Variants in USP4 observed in about 807,000 individuals in gnomAD.
USP4 encodes ubiquitin specific peptidase 4.
A neutral mutation model predicts 118.2 loss-of-function variants in USP4; 72 were observed. The observed-to-expected ratio is 0.61, with a 90% CI of 0.50 to 0.74. The LOEUF (loss-of-function observed/expected upper bound fraction) is 0.74, where lower values mean the gene tolerates loss of function less well. Ranked by LOEUF, USP4 falls within the 30% of genes least tolerant of loss-of-function variation. The probability of loss-of-function intolerance (pLI) is 0.00; values close to 1 mark genes in which losing one functional copy is unlikely to be tolerated. For missense variants in USP4, 1,037 were observed against 1,185.7 expected, an observed-to-expected ratio of 0.87 and a Z score of 1.84; for synonymous variants, 415 against 440.4, an observed-to-expected ratio of 0.94 and a Z score of 0.72.
intron 10 of USP4, among the ~76,000 whole-genome samples, chr3:49,301,423 G>T (rs779326179): frequency 6.6e-6 from 1 of 152,104 alleles, no homozygotes; most frequent in Non-Finnish European, 1.5e-5. Flanking sequence ...CACGGTGGCT[G>T]ACGCCTGAAA....
rs147154296 is a variant in USP4 at position 49,332,764 on chromosome 3, T to G, written c.229+2705A>C. On this transcript the variant is annotated intron_variant, in intron 2 of 21. Coordinates refer to ENST00000265560, the MANE Select transcript of USP4 (RefSeq NM_003363.4). Reference sequence around the variant, plus strand: ...TGTTGTTTAGCCTGGGCACAGTGACTCACACCTGTAATCCCAGCACTCTGG... The same window carrying G: ...TGTTGTTTAGCCTGGGCACAGTGACGCACACCTGTAATCCCAGCACTCTGG... Among the ~76,000 whole-genome samples the G allele has an allele frequency of 4.6e-3, 697 of 151,694 alleles. 4 individuals are homozygous for G. Among genetic ancestry groups the G allele is most frequent in the Non-Finnish European group, 8.2e-3 (554 of 67,876 alleles).
chr3:49,293,141 G>T (rs1458364462), intron 14 of USP4, among the ~76,000 whole-genome samples: 1 of 152,006 alleles, frequency 6.6e-6, no homozygotes, highest in Non-Finnish European at 1.5e-5. Flanking sequence ...ACTTTGGGAG[G>T]CCGAGGTGGG....
chr3:49,333,506 T>C (rs2047640388), intron 2 of USP4, among the ~76,000 whole-genome samples: 1 of 152,158 alleles, frequency 6.6e-6, no homozygotes, highest in Non-Finnish European at 1.5e-5. Context: ...TGATTTGAAG[T>C]GAGAGACATG....
At chr3:49,294,323 C>G (rs2047180890) in intron 14 of USP4, 84 bp downstream of exon 14, 2 of 1,433,238 alleles carry the variant, frequency 1.4e-6, no homozygotes, top group Admixed American at 1.9e-5. Flanking sequence ...AGGATCAACA[C>G]AGCCACTTGG....
At chr3:49,322,594 G>C (rs1463575114) in intron 6 of USP4, among the ~76,000 whole-genome samples, 3 of 152,130 alleles carry the variant, frequency 2.0e-5, no homozygotes, top group African/African-American at 7.2e-5. Flanking sequence ...AGCTGTGGTG[G>C]CTCATGCCTG....
At chr3:49,299,834 G>A (rs571382754) in intron 11 of USP4, among the ~76,000 whole-genome samples, 2 of 152,300 alleles carry the variant, frequency 1.3e-5, no homozygotes, top group Admixed American at 6.5e-5. Context: ...GCTGTCCTAG[G>A]TTATGTGAGG....
chr3:49,317,939 G>A (rs1248548015), intron 6 of USP4, among the ~76,000 whole-genome samples: 2 of 151,868 alleles, frequency 1.3e-5, no homozygotes, highest in African/African-American at 2.4e-5. Flanking sequence ...GGGTTTAAGC[G>A]AGTCTCTTGC....
chr3:49,281,549 T>C (rs28850107), intron 19 of USP4, among the ~76,000 whole-genome samples: 3 of 147,502 alleles, frequency 2.0e-5, no homozygotes, highest in African/African-American at 2.5e-5. Context: ...CATTTATATA[T>C]ACACACACAC....
chr3:49,303,504 C>G (rs940459112), intron 9 of USP4, among the ~76,000 whole-genome samples: 1 of 149,658 alleles, frequency 6.7e-6, no homozygotes, highest in Non-Finnish European at 1.5e-5. Flanking sequence ...AATACCATAG[C>G]CACTAGCCAC....
At chr3:49,316,802 G>A in intron 6 of USP4, 1 of 512,196 alleles carries the variant, frequency 2.0e-6, no homozygotes, top group Non-Finnish European at 3.5e-6. Context: ...CTACAACCAG[G>A]ACCTCCCTGG....
At chr3:49,302,745 G>A (rs1299576776) in intron 9 of USP4, among the ~76,000 whole-genome samples, 1 of 152,190 alleles carries the variant, frequency 6.6e-6, no homozygotes, top group Non-Finnish European at 1.5e-5. Context: ...AGAGAGCCAG[G>A]AGGATGAACC....
In USP4 at chr3:49,278,042, C is replaced by G. The variant is rs944276047; in HGVS notation, c.*251G>C. The G allele has an allele frequency of 1.2e-5, 6 of 507,720 alleles. No individual in the cohort carries two copies. The highest frequency in any genetic ancestry group is 1.7e-5 in the Non-Finnish European group (5 of 293,684). The allele number at this position is 507,720 out of a possible 1,614,324, so 31.5% of individuals were successfully genotyped here. On this transcript the variant is annotated 3_prime_UTR_variant, in exon 22 of 22. Coordinates refer to ENST00000265560, the MANE Select transcript of USP4 (RefSeq NM_003363.4). ...TCCATTGAGTACCCCCATCCCACCCCCTTTTCAGCTTCACAGGTTTCACAG... is the reference window on the plus strand; with the variant it reads ...TCCATTGAGTACCCCCATCCCACCCGCTTTTCAGCTTCACAGGTTTCACAG...
chr3:49,338,113 G>A (rs150897204), intron 1 of USP4, among the ~76,000 whole-genome samples: 29 of 150,158 alleles, frequency 1.9e-4, no homozygotes, highest in African/African-American at 6.6e-4. Flanking sequence ...AATCTCTGTG[G>A]AGCAACAAAG....
chr3:49,294,462 G>A lies in USP4; in HGVS notation c.1828C>T (p.Pro610Ser), dbSNP rs866931457. 1 of 1,614,158 alleles carries A rather than the reference G, an allele frequency of 6.2e-7. No individual in the cohort carries two copies. The change falls in exon 14 of 22, where the codon CCC (proline) becomes TCC (serine). Residue 610 changes from proline (P) to serine (S), a missense_variant. Transcript: ENST00000265560. The stretch of plus-strand genomic sequence containing the variant: ...GACTCAAGGGTTAACTTGTGCTTGG[G>A]GACAGAAAGCAATAGTGGCTGCCCA... Reference protein sequence around the residue: ...LYGQPLLLSVPKHKLTLESLY... With the variant: ...LYGQPLLLSVSKHKLTLESLY...
intron 19 of USP4, 27 bp from the exon 20 acceptor site, chr3:49,280,874 T>C (rs368333696): frequency 3.6e-5 from 57 of 1,602,828 alleles, no homozygotes; most frequent in Non-Finnish European, 4.1e-5. Context: ...AAAATAGTTA[T>C]TGAATATGTT....
At chr3:49,283,921 C>A in intron 19 of USP4, 66 bp downstream of exon 19, 1 of 1,591,936 alleles carries the variant, frequency 6.3e-7, no homozygotes, top group Non-Finnish European at 8.6e-7. Context: ...AACCACTCAG[C>A]CAATCAGTGC....
chr3:49,338,017 G>A (rs1417628418), intron 1 of USP4, among the ~76,000 whole-genome samples: 1 of 117,758 alleles, frequency 8.5e-6, no homozygotes, highest in African/African-American at 3.3e-5. Flanking sequence ...CTGCACTCCA[G>A]CCTGGTGATG....
At chr3:49,281,709 C>T (rs1396515190) in intron 19 of USP4, among the ~76,000 whole-genome samples, 28 of 136,650 alleles carry the variant, frequency 2.0e-4, no homozygotes, top group African/African-American at 5.6e-4. Flanking sequence ...AGCGTAACTC[C>T]GTCTCAAAAA....
chr3:49,305,198 G>A (rs796476561), intron 9 of USP4, among the ~76,000 whole-genome samples: 5 of 148,868 alleles, frequency 3.4e-5, no homozygotes, highest in African/African-American at 7.4e-5. Flanking sequence ...CCAGCCTCCC[G>A]AGTAGCTGGG....
Sources: gnomAD v4.1 joint callset for allele counts (sites outside exome capture counted in the v4.1 genomes callset) on GRCh38, gnomAD v4.1.1 for gene constraint, MANE v1.5 for transcripts, NCBI Gene and HGNC (gene_info 2026-07-23, HGNC 2026-07-21) for gene names.